The following KHDRBS1 variants were observed in gnomAD, a reference collection of about 807,000 sequenced individuals.
The protein encoded by KHDRBS1 is KH RNA binding domain containing, signal transduction associated 1.
A neutral mutation model predicts 48.4 loss-of-function variants in KHDRBS1; 7 were observed. That is an observed-to-expected ratio of 0.14 (90% CI 0.08 to 0.27). The LOEUF (loss-of-function observed/expected upper bound fraction) is 0.27, where lower values mean the gene tolerates loss of function less well. KHDRBS1 is among the 10% of genes least tolerant of loss of function. The pLI, the probability that KHDRBS1 is intolerant of heterozygous loss-of-function variation, is 1.00. For missense variants in KHDRBS1, 458 were observed against 601.2 expected (o/e 0.76, Z 2.49); for synonymous variants, 241 against 235.8 (o/e 1.02, Z -0.20).
intron 6 of KHDRBS1, 150 bp downstream of exon 6, chr1:32,038,186 A>G (rs1242803629): frequency 1.6e-6 from 2 of 1,264,364 alleles, no homozygotes; most frequent in African/African-American, 1.5e-5. Context: ...ATGTTGAACT[A>G]TTAGAAGATT....
intron 3 of KHDRBS1, among the ~76,000 whole-genome samples, chr1:32,032,841 C>A (rs1364307307): frequency 6.6e-6 from 1 of 152,090 alleles, no homozygotes; most frequent in African/African-American, 2.4e-5. Context: ...AGGCGTGCGC[C>A]ACCATGCCCG....
At chr1:32,018,098 G>T (rs1004122692) in intron 1 of KHDRBS1, among the ~76,000 whole-genome samples, 1 of 152,130 alleles carries the variant, frequency 6.6e-6, no homozygotes, top group African/African-American at 2.4e-5. Flanking sequence ...TTTATTTACA[G>T]TATTCTCTAG....
At chr1:32,059,185 CAAAA>C (rs1250080291) in intron 10 of KHDRBS1, among the ~76,000 whole-genome samples, 2 of 135,350 alleles carry the variant, frequency 1.5e-5, no homozygotes, top group East Asian at 2.2e-4. Flanking sequence ...AAAAAAAAAA[CAAAA>C]CCTTTTAGGC....
At chr1:32,033,810 G>A (rs542215347) in intron 4 of KHDRBS1, among the ~76,000 whole-genome samples, 47 of 152,284 alleles carry the variant, frequency 3.1e-4, no homozygotes, top group African/African-American at 1.1e-3. Flanking sequence ...AGCACACTCA[G>A]GGATTTCTTT....
intron 1 of KHDRBS1, among the ~76,000 whole-genome samples, chr1:32,020,640 G>T (rs1454806105): frequency 2.0e-5 from 3 of 149,724 alleles, no homozygotes; most frequent in Non-Finnish European, 3.0e-5. Flanking sequence ...AAAAGGAACT[G>T]TTAATAAATG....
intron 10 of KHDRBS1, among the ~76,000 whole-genome samples, chr1:32,055,785 A>G (rs1639473872): frequency 6.6e-6 from 1 of 151,882 alleles, no homozygotes; most frequent in Admixed American, 6.6e-5. Flanking sequence ...CTCGGCTCCT[A>G]AGGAGGCTGC....
intron 1 of KHDRBS1, among the ~76,000 whole-genome samples, chr1:32,029,934 T>C (rs759698429): frequency 7.9e-5 from 12 of 152,254 alleles, no homozygotes; most frequent in Non-Finnish European, 1.6e-4. Flanking sequence ...CTTTTGTTTT[T>C]TTCAAGGTAA....
chr1:32,025,688 C>T (rs1030153580), intron 1 of KHDRBS1, among the ~76,000 whole-genome samples: 1 of 142,314 alleles, frequency 7.0e-6, no homozygotes, highest in Non-Finnish European at 1.5e-5. Flanking sequence ...CATCCCCTCC[C>T]TGCCTCCCTT....
intron 1 of KHDRBS1, among the ~76,000 whole-genome samples, chr1:32,021,136 T>G (rs1226127931): frequency 1.3e-5 from 2 of 152,146 alleles, no homozygotes; most frequent in African/African-American, 4.8e-5. Context: ...AAAAAAATTT[T>G]CAAAGTTGCA....
chr1:32,038,088 G>T, intron 6 of KHDRBS1, 52 bp downstream of exon 6: 1 of 1,602,884 alleles, frequency 6.2e-7, no homozygotes, highest in Non-Finnish European at 8.5e-7. Context: ...GGCTGCTAAA[G>T]GAAGTTGAAT....
chr1:32,013,893 T>C lies in KHDRBS1; in HGVS notation c.-103T>C, dbSNP rs1429730483. On this transcript the variant is annotated 5_prime_UTR_variant, in exon 1 of 9. Transcript: ENST00000327300. ...CTCTCGCTGGGTCGCTCGGGTCGGC[T>C]TCGGTCGCTACCGCTCCCGCTCTGC... is the stretch of plus-strand genomic sequence containing the variant. 5.1e-6 allele frequency: 6 copies of C among 1,170,584 alleles called. No individual in the cohort carries two copies. The African/African-American group carries it at 6.5e-5, about 13-fold the overall frequency. The allele number at this position is 1,170,584 out of a possible 1,614,324, so 72.5% of individuals were successfully genotyped here. A position where few individuals can be genotyped will look rare whatever the true frequency, so the allele number is the denominator to read the frequency against.
downstream of KHDRBS1, among the ~76,000 whole-genome samples, chr1:32,044,874 G>A (rs968772668): frequency 6.6e-6 from 1 of 152,290 alleles, no homozygotes; most frequent in Non-Finnish European, 1.5e-5. Flanking sequence ...CATAAACTGT[G>A]ACAGCAACTT....
downstream of KHDRBS1, among the ~76,000 whole-genome samples, chr1:32,045,845 C>G (rs1639349980): frequency 6.6e-6 from 1 of 152,206 alleles, no homozygotes; most frequent in Non-Finnish European, 1.5e-5. Context: ...TCCTTGGGCA[C>G]AACTCAAACT....
chr1:32,028,940 G>T lies in KHDRBS1; in HGVS notation c.383-1358G>T, dbSNP rs116785219. ...CTTCATTGCCACCTCTATAGTCTGG[G>T]AACTCCAGTATATAAACAGTGAAGA... On this transcript the variant is annotated intron_variant, in intron 1 of 8. Transcript: ENST00000327300. 2.6e-3 allele frequency among the ~76,000 whole-genome samples: 392 copies of T among 151,960 alleles called. 2 individuals carry two copies. The highest frequency in any genetic ancestry group is 9.2e-3 in the African/African-American group (383 of 41,418).
chr1:32,027,783 A>G (rs191770662), intron 1 of KHDRBS1, among the ~76,000 whole-genome samples: 64 of 152,286 alleles, frequency 4.2e-4, no homozygotes, highest in Admixed American at 4.2e-3. Context: ...TTCTTCGTCT[A>G]TATATTTCAC....
intron 8 of KHDRBS1, among the ~76,000 whole-genome samples, chr1:32,041,913 C>T (rs867283714): frequency 6.0e-4 from 92 of 152,086 alleles, no homozygotes; most frequent in African/African-American, 1.8e-3. Flanking sequence ...ACAGTGCTGT[C>T]AGTGCAACAT....
rs549633670 is a variant in KHDRBS1, at chr1:32,051,549, A to G, written n.1301+6159A>G. 3.9e-5 allele frequency among the ~76,000 whole-genome samples: 6 copies of G among 152,308 alleles called. No homozygotes were observed. The South Asian group carries it at 6.2e-4, about 16-fold the overall frequency. On this transcript the variant is annotated intron_variant and non_coding_transcript_variant, in intron 10 of 10. Transcript: ENST00000484270. ...TGGGAATGAGGCTGTTCTAGCTGCC[A>G]TGCCTGGTCATAGGTGGTTTTCCAG...
At chr1:32,026,898 G>A (rs1368365757) in intron 1 of KHDRBS1, among the ~76,000 whole-genome samples, 5 of 152,064 alleles carry the variant, frequency 3.3e-5, no homozygotes, top group South Asian at 2.1e-4. Flanking sequence ...GGGTTCCAGC[G>A]ATTCTCCTCC....
chr1:32,036,743 A>G (rs909226486), intron 4 of KHDRBS1, among the ~76,000 whole-genome samples, 167 bp from the exon 5 acceptor site: 4 of 152,098 alleles, frequency 2.6e-5, no homozygotes, highest in African/African-American at 9.7e-5. Context: ...GACTTTTCTC[A>G]AAGAGGTGAC....
Sources: allele counts gnomAD v4.1 joint callset (sites outside exome capture counted in the v4.1 genomes callset), GRCh38; gene constraint gnomAD v4.1.1; transcripts MANE v1.5; gene names NCBI Gene and HGNC (gene_info 2026-07-23, HGNC 2026-07-21).